DOCK3: variants seen among roughly 807,000 people sequenced by gnomAD.
DOCK3 encodes the protein dedicator of cytokinesis protein 3.
In DOCK3, 60 loss-of-function variants were observed where a neutral mutation model predicts 265.6. That is an observed-to-expected ratio of 0.23 (90% CI 0.18 to 0.28). The LOEUF (loss-of-function observed/expected upper bound fraction) is 0.28. Among genes scored for constraint, DOCK3 ranks in the 10% least tolerant of loss-of-function variants. DOCK3 has a pLI of 1.00. For synonymous variants in DOCK3, 881 were observed against 938.0 expected (o/e 0.94, Z 1.11); for missense variants, 1,981 against 2,594.3 (o/e 0.76, Z 5.14).
At chr3:50,947,014 A>G (rs1429038777) in intron 5 of DOCK3, among the ~76,000 whole-genome samples, 2 of 152,196 alleles carry the variant, frequency 1.3e-5, no homozygotes, top group Non-Finnish European at 2.9e-5. Context: ...ACAGGATAAA[A>G]AAACCAAACA....
intron 4 of DOCK3, among the ~76,000 whole-genome samples, chr3:50,894,986 C>T (rs2048824710): frequency 6.6e-6 from 1 of 152,042 alleles, no homozygotes; most frequent in African/African-American, 2.4e-5. Context: ...ATTCTGACTG[C>T]TAAGTGATTT....
chr3:51,107,832 G>C (rs1300640155), intron 9 of DOCK3, among the ~76,000 whole-genome samples: 1 of 152,110 alleles, frequency 6.6e-6, no homozygotes, highest in Non-Finnish European at 1.5e-5. Context: ...AGGAAATGCA[G>C]AAAACTCCCA....
intron 2 of DOCK3, among the ~76,000 whole-genome samples, chr3:50,827,055 C>A (rs761944427): frequency 4.6e-5 from 7 of 152,100 alleles, no homozygotes; most frequent in Non-Finnish European, 1.0e-4. Context: ...AGACTAATTT[C>A]ATTGTGAAAT....
At chr3:50,897,001 G>A (rs547983038) in intron 4 of DOCK3, among the ~76,000 whole-genome samples, 25 of 152,228 alleles carry the variant, frequency 1.6e-4, no homozygotes, top group African/African-American at 6.0e-4. Context: ...ATTTAAAGTA[G>A]TTTTTTTCTA....
At chr3:51,130,331 C>T (rs1247354001) in intron 9 of DOCK3, among the ~76,000 whole-genome samples, 2 of 152,204 alleles carry the variant, frequency 1.3e-5, no homozygotes, top group Admixed American at 1.3e-4. Context: ...TGATATACCC[C>T]TGAGGTAGGA....
intron 1 of DOCK3, among the ~76,000 whole-genome samples, chr3:50,676,706 T>G (rs2033984591): frequency 6.8e-6 from 1 of 146,688 alleles, no homozygotes. Flanking sequence ...AGGAGCCCTA[T>G]TTTGGCGGGG....
At chr3:51,109,854 A>G (rs1158743377) in intron 9 of DOCK3, among the ~76,000 whole-genome samples, 2 of 152,052 alleles carry the variant, frequency 1.3e-5, no homozygotes, top group Non-Finnish European at 1.5e-5. Flanking sequence ...GATTGCTTGG[A>G]TCTGAGAGGT....
chr3:50,902,843 T>C (rs534456064), intron 4 of DOCK3, among the ~76,000 whole-genome samples: 1 of 152,202 alleles, frequency 6.6e-6, no homozygotes, highest in Non-Finnish European at 1.5e-5. Flanking sequence ...TCTCTCTGAT[T>C]TCCTTAAGCA....
intron 52 of DOCK3, among the ~76,000 whole-genome samples, chr3:51,380,670 A>G (rs1337536463): frequency 2.0e-5 from 3 of 152,228 alleles, no homozygotes; most frequent in Admixed American, 6.5e-5. Flanking sequence ...AGTCTATCAC[A>G]GATTTTAGCA....
At chr3:51,242,988 G>C (rs751796737) in intron 21 of DOCK3, among the ~76,000 whole-genome samples, 3 of 152,148 alleles carry the variant, frequency 2.0e-5, no homozygotes, top group African/African-American at 4.8e-5. Context: ...TAGAAGCTAT[G>C]ACATGGGGCC....
intron 28 of DOCK3, 42 bp downstream of exon 28, chr3:51,310,368 C>A: frequency 6.7e-7 from 1 of 1,490,008 alleles, no homozygotes; most frequent in Non-Finnish European, 9.2e-7. Flanking sequence ...CTGAGCTGTT[C>A]TCAGACTAAG....
chr3:51,032,636 A>G lies in DOCK3; in HGVS notation c.316-31812A>G, dbSNP rs1380742209. 2.0e-5 allele frequency among the ~76,000 whole-genome samples: 3 copies of G among 152,166 alleles called. No homozygotes were observed. In the East Asian group the frequency reaches 5.8e-4, roughly 29 times the overall value. ...AATGAAAAATGTGGAAGCTGGGTACAGTGGCTAACATCTATAATCACAGCT... is the reference window on the plus strand; with the variant it reads ...AATGAAAAATGTGGAAGCTGGGTACGGTGGCTAACATCTATAATCACAGCT... On this transcript the variant is annotated intron_variant, in intron 5 of 52. Transcript: ENST00000266037.
At chr3:50,750,797 G>A (rs971808028) in intron 1 of DOCK3, among the ~76,000 whole-genome samples, 3 of 152,152 alleles carry the variant, frequency 2.0e-5, no homozygotes, top group Non-Finnish European at 4.4e-5. Context: ...CCCAGAGTGT[G>A]TTACTCCACC....
intron 22 of DOCK3, among the ~76,000 whole-genome samples, chr3:51,254,968 G>A (rs1373820297): frequency 2.0e-5 from 3 of 152,022 alleles, no homozygotes; most frequent in Non-Finnish European, 2.9e-5. Flanking sequence ...AGCATCTATG[G>A]TCTTTACAAT....
At chr3:51,210,819 C>G (rs567147873) in intron 13 of DOCK3, among the ~76,000 whole-genome samples, 2 of 152,278 alleles carry the variant, frequency 1.3e-5, no homozygotes, top group East Asian at 3.9e-4. Context: ...GTCATTAGTG[C>G]TTTTCCTTCA....
chr3:50,856,426 C>T (rs901965283), intron 3 of DOCK3, among the ~76,000 whole-genome samples: 3 of 151,410 alleles, frequency 2.0e-5, no homozygotes, highest in East Asian at 3.9e-4. Context: ...TTGCATTTCT[C>T]TATGATCAGT....
At chr3:51,181,122 AAAG>A (rs1267270924) in intron 12 of DOCK3, among the ~76,000 whole-genome samples, 1 of 152,218 alleles carries the variant, frequency 6.6e-6, no homozygotes, top group Non-Finnish European at 1.5e-5. Flanking sequence ...ACAAGTTGTA[AAAG>A]AAGAAATAGC....
intron 5 of DOCK3, among the ~76,000 whole-genome samples, chr3:51,002,440 A>G (rs546018289): frequency 1.3e-5 from 2 of 152,286 alleles, no homozygotes; most frequent in Admixed American, 1.3e-4. Flanking sequence ...AAAAGTTTCA[A>G]ATTTTGAAGT....
At chr3:51,009,580 A>G (rs1191099772) in intron 5 of DOCK3, among the ~76,000 whole-genome samples, 4 of 152,098 alleles carry the variant, frequency 2.6e-5, no homozygotes, top group Non-Finnish European at 5.9e-5. Context: ...TCCTGGATTC[A>G]TTGAATTTTT....
Sources: allele counts gnomAD v4.1 joint callset (sites outside exome capture counted in the v4.1 genomes callset), GRCh38; gene constraint gnomAD v4.1.1; transcripts MANE v1.5; gene names NCBI Gene and HGNC (gene_info 2026-07-23, HGNC 2026-07-21).